SLC10A4: variants seen among roughly 807,000 people sequenced by gnomAD.
SLC10A4 encodes solute carrier family 10 member 4.
A neutral mutation model predicts 22.5 loss-of-function variants in SLC10A4; 17 were observed. The ratio of observed to expected loss-of-function variants is 0.76; its 90% confidence interval spans 0.52 to 1.14. The LOEUF is 1.14. SLC10A4 is among the 50% of genes most tolerant of loss of function. SLC10A4 has a pLI of 0.00. For missense variants in SLC10A4, 548 were observed against 584.0 expected, an observed-to-expected ratio of 0.94 and a Z score of 0.64; for synonymous variants, 257 against 258.2, an observed-to-expected ratio of 1.00 and a Z score of 0.04.
chr4:48,486,246 G>C (rs1204252868), intron 2 of SLC10A4, among the ~76,000 whole-genome samples: 1 of 151,896 alleles, frequency 6.6e-6, no homozygotes, highest in African/African-American at 2.4e-5. Flanking sequence ...ATCCAGGCTT[G>C]AGTAAAAGAA....
In SLC10A4 at chr4:48,484,087, T is replaced by A; in HGVS notation, c.526T>A (p.Cys176Ser). 6.2e-7 allele frequency: 1 copy of A among 1,605,334 alleles called. No homozygotes were observed. Among genetic ancestry groups the A allele is most frequent in the Non-Finnish European group, 8.5e-7 (1 of 1,177,794 alleles). Residue 176 changes from cysteine to serine, a missense_variant, in exon 1 of 3, where the codon TGC becomes AGC. By Grantham distance (112) the Cys-to-Ser change is moderately radical (BLOSUM62 -1). Transcript: ENST00000273861. Reference sequence around the variant, plus strand: ...CGCCGTGGCGGTGCTCCTGTGTGGCTGCTGTCCCGGCGGCAATCTCTCCAA... The same window carrying A: ...CGCCGTGGCGGTGCTCCTGTGTGGCAGCTGTCCCGGCGGCAATCTCTCCAA... Reference protein sequence around the residue: ...VAAVAVLLCGCCPGGNLSNLM... With the variant: ...VAAVAVLLCGSCPGGNLSNLM...
In SLC10A4 at chr4:48,488,724, T is replaced by C. The variant is rs931336367; in HGVS notation, c.1099T>C (p.Tyr367His). 5 of 1,613,928 alleles carry C rather than the reference T, an allele frequency of 3.1e-6. No homozygotes were observed. The African/African-American group carries it at 6.7e-5, about 22-fold the overall frequency. The stretch of plus-strand genomic sequence containing the variant: ...AAGCATGTACATGTTTCCTTTGCTG[T>C]ATGCACTTTTCCAGTCTGCAGAAGC... ...IGSMYMFPLL[Y>H]ALFQSAEAGI... Residue 367 changes from tyrosine to histidine, a missense_variant, in exon 3 of 3, where the codon TAT (tyrosine) becomes CAT (histidine). Transcript: ENST00000273861.
intron 2 of SLC10A4, 85 bp from the exon 3 acceptor site, chr4:48,488,342 C>G: frequency 8.0e-7 from 1 of 1,250,544 alleles, no homozygotes; most frequent in Non-Finnish European, 1.1e-6. Flanking sequence ...GGAGAGCATA[C>G]TAGATGGGTG....
At position 48,484,982 on chromosome 4, in the gene SLC10A4, T is replaced by C. The variant is rs759634283; in HGVS notation, c.641T>C (p.Leu214Pro). ...STLLALVLMPLCLWIYSWAWI... is the reference protein window; with the variant it reads ...STLLALVLMPPCLWIYSWAWI... The stretch of plus-strand genomic sequence containing the variant: ...CTTCTGGCCCTCGTCTTGATGCCCC[T>C]GTGCCTGTGGATCTACAGCTGGGCT... Residue 214 changes from leucine (L) to proline (P), a missense_variant, in exon 2 of 3, where the codon CTG (leucine) becomes CCG (proline). Coordinates refer to ENST00000273861, the MANE Select transcript of SLC10A4 (RefSeq NM_152679.4). 25 of 1,614,180 alleles carry C rather than the reference T, an allele frequency of 1.5e-5. No homozygotes were observed. The highest frequency in any genetic ancestry group is 2.0e-5 in the Non-Finnish European group (24 of 1,180,028).
chr4:48,487,788 CTTTTTTTTTTTTTTTT>C (rs35831946), intron 2 of SLC10A4, among the ~76,000 whole-genome samples: 815 of 39,872 alleles, frequency 0.02, 13 homozygotes, highest in Middle Eastern at 0.083. Flanking sequence ...TTTTGAAGAG[CTTTTTTTTTTTTTTTT>C]TTTTTTTTTT....
chr4:48,485,779 C>T (rs1162394400), intron 2 of SLC10A4, among the ~76,000 whole-genome samples: 1 of 152,028 alleles, frequency 6.6e-6, no homozygotes, highest in Non-Finnish European at 1.5e-5. Flanking sequence ...TTCTCCATTG[C>T]AATATTTTAT....
chr4:48,483,867 C>G lies in SLC10A4; in HGVS notation c.306C>G (p.Asn102Lys), dbSNP rs1417834799. The change falls in exon 1 of 3, where the codon AAC becomes AAG. Residue 102 changes from asparagine to lysine, a missense_variant. Transcript: ENST00000273861. This position sits in a 1 kb window ranked among gnomAD's most constrained non-coding sequence, Gnocchi z 5.4. ...HALPFWDTPL[N>K]HGLNVFVGAA... ...TCCCGTTCTGGGACACGCCGCTGAA[C>G]CACGGGCTGAACGTGTTCGTGGGCG... The G allele has an allele frequency of 6.5e-7, 1 of 1,543,222 alleles. No homozygotes were observed. Among genetic ancestry groups the G allele is most frequent in the Non-Finnish European group, 8.7e-7 (1 of 1,146,184 alleles).
At chr4:48,488,114 T>G (rs1256725155) in intron 2 of SLC10A4, among the ~76,000 whole-genome samples, 1 of 150,656 alleles carries the variant, frequency 6.6e-6, no homozygotes, top group Non-Finnish European at 1.5e-5. Flanking sequence ...AAAAGCTGGG[T>G]TTTTTTGTTT....
chr4:48,483,734 TC>T lies in SLC10A4; in HGVS notation c.174del (p.Phe58LeufsTer44). 1 of 1,434,978 alleles carries T rather than the reference TC, an allele frequency of 7.0e-7. No individual in the cohort carries two copies. The highest frequency in any genetic ancestry group is 9.1e-7 in the Non-Finnish European group (1 of 1,103,068). 88.9% of individuals were successfully genotyped at this position (1,434,978 alleles called of 1,614,324 possible). On this transcript the variant is annotated frameshift_variant, in exon 1 of 3. Transcript: ENST00000273861. LOFTEE classifies it high-confidence loss of function. This position sits in a 1 kb window ranked among gnomAD's most constrained non-coding sequence, Gnocchi z 5.4. ...LSLGPGPSFG[F>X]SPGPTPTPEP... ...CTCGGGCCGGGTCCGAGCTTCGGCT[TC>T]AGCCCCGGCCCCACTCCGACCCCGG...
chr4:48,489,007 C>A lies in SLC10A4; in HGVS notation c.*68C>A. On this transcript the variant is annotated 3_prime_UTR_variant, in exon 3 of 3. Coordinates refer to ENST00000273861, the MANE Select transcript of SLC10A4 (RefSeq NM_152679.4). Reference sequence around the variant, plus strand: ...TTCATATTTATAGCCTGTGGTAGTGCACATGGTTAACATAAAAGATAACAC... The same window carrying A: ...TTCATATTTATAGCCTGTGGTAGTGAACATGGTTAACATAAAAGATAACAC... 1 of 1,485,286 alleles carries A rather than the reference C, an allele frequency of 6.7e-7. No individual in the cohort carries two copies. Among genetic ancestry groups the A allele is most frequent in the Non-Finnish European group, 9.0e-7 (1 of 1,108,236 alleles). 92.0% of individuals were successfully genotyped at this position (1,485,286 alleles called of 1,614,324 possible). A position where few individuals can be genotyped will look rare whatever the true frequency, so the allele number is the denominator to read the frequency against.
At chr4:48,487,276 TA>T (rs35738962) in intron 2 of SLC10A4, among the ~76,000 whole-genome samples, 2 of 152,110 alleles carry the variant, frequency 1.3e-5, no homozygotes, top group African/African-American at 4.8e-5. Context: ...CATGAACAAA[TA>T]AAAAAGGGGA....
chr4:48,484,286 G>C, intron 1 of SLC10A4, 135 bp downstream of exon 1: 1 of 908,952 alleles, frequency 1.1e-6, no homozygotes, highest in Non-Finnish European at 1.6e-6. Flanking sequence ...AGGAGAGGAA[G>C]TTGATGACGC....
rs781020014 is a variant in SLC10A4, at chr4:48,485,004, G to C, written c.663G>C (p.Trp221Cys). The C allele has an allele frequency of 6.2e-7, 1 of 1,614,080 alleles. No individual in the cohort carries two copies. Among genetic ancestry groups the C allele is most frequent in the Non-Finnish European group, 8.5e-7 (1 of 1,180,016 alleles). ...LMPLCLWIYS[W>C]AWINTPIVQL... The stretch of plus-strand genomic sequence containing the variant: ...CCCTGTGCCTGTGGATCTACAGCTG[G>C]GCTTGGATCAACACCCCTATCGTGC... Residue 221 changes from tryptophan (W) to cysteine (C), a missense_variant, in exon 2 of 3, where the codon TGG becomes TGC. Trp to Cys is a radical substitution (Grantham distance 215). Transcript: ENST00000273861.
At position 48,485,135 on chromosome 4, in the gene SLC10A4, T is replaced by C; in HGVS notation, c.794T>C (p.Ile265Thr). The C allele has an allele frequency of 3.1e-6, 5 of 1,613,934 alleles. No homozygotes were observed. Among genetic ancestry groups the C allele is most frequent in the Non-Finnish European group, 4.2e-6 (5 of 1,179,950 alleles). Residue 265 changes from isoleucine to threonine, a missense_variant, in exon 2 of 3, where the codon ATT (isoleucine) becomes ACT (threonine). Physicochemically the swap from Ile to Thr is moderately conservative, Grantham distance 89. Transcript: ENST00000273861. ...RYKYSRVADYIVKVSLWSLLV... is the reference protein window; with the variant it reads ...RYKYSRVADYTVKVSLWSLLV... ...AAATACAGCCGGGTGGCTGACTACATTGTGAAGGTAAGGCCCCCTCTTCCC... is the reference window on the plus strand; with the variant it reads ...AAATACAGCCGGGTGGCTGACTACACTGTGAAGGTAAGGCCCCCTCTTCCC...
intron 1 of SLC10A4, among the ~76,000 whole-genome samples, chr4:48,484,581 C>G (rs11945562): frequency 1.3e-5 from 2 of 151,992 alleles, no homozygotes; most frequent in Non-Finnish European, 2.9e-5. Flanking sequence ...ATTGTTGAGT[C>G]CGACCAACAA....
At chr4:48,487,759 G>A (rs1338921500) in intron 2 of SLC10A4, among the ~76,000 whole-genome samples, 1 of 109,336 alleles carries the variant, frequency 9.1e-6, no homozygotes, top group African/African-American at 3.4e-5. Flanking sequence ...CAGGAAAAAA[G>A]CTTTTGAAGG....
At position 48,488,878 on chromosome 4, in the gene SLC10A4, C is replaced by T. The variant is rs761069841; in HGVS notation, c.1253C>T (p.Ser418Phe). The T allele has an allele frequency of 9.9e-6, 16 of 1,612,244 alleles. No homozygotes were observed. The South Asian group carries it at 1.5e-4, about 16-fold the overall frequency. ...KLKEEEMADT[S>F]YGTVKAENII... ...AAAGAAGAGGAAATGGCAGACACTT[C>T]CTATGGCACAGTGAAAGCAGAAAAT... Residue 418 changes from serine (S) to phenylalanine (F), a missense_variant, in exon 3 of 3, where the codon TCC becomes TTC. Physicochemically the swap from Ser to Phe is radical, Grantham distance 155 (BLOSUM62 -2). Transcript: ENST00000273861.
intron 2 of SLC10A4, among the ~76,000 whole-genome samples, chr4:48,485,984 A>G (rs1718275702): frequency 1.3e-5 from 2 of 152,236 alleles, no homozygotes; most frequent in African/African-American, 4.8e-5. Flanking sequence ...CAAAAACAGT[A>G]GCAAAAAAGA....
chr4:48,484,275 A>G (rs1181076449), intron 1 of SLC10A4, 124 bp downstream of exon 1: 3 of 1,008,476 alleles, frequency 3.0e-6, no homozygotes, highest in Non-Finnish European at 4.2e-6. Context: ...AGGAGGAGAA[A>G]AGGAGAGGAA....
Sources: allele counts gnomAD v4.1 joint callset (sites outside exome capture counted in the v4.1 genomes callset), GRCh38; gene constraint gnomAD v4.1.1; non-coding constraint Gnocchi (gnomAD v3.1); transcripts MANE v1.5; gene names NCBI Gene and HGNC (gene_info 2026-07-23, HGNC 2026-07-21).